EPC2: variants seen among roughly 807,000 people sequenced by gnomAD.
EPC2 encodes the protein enhancer of polycomb homolog 2.
A neutral mutation model predicts 92.1 loss-of-function variants in EPC2; 14 were observed. The observed-to-expected ratio is 0.15, with a 90% CI of 0.10 to 0.24. EPC2 has a LOEUF of 0.24. EPC2 is among the 10% of genes least tolerant of loss of function. The pLI is 1.00. For synonymous variants in EPC2, 340 were observed against 334.7 expected, an observed-to-expected ratio of 1.02 and a Z score of -0.17; for missense variants, 755 against 971.5, an observed-to-expected ratio of 0.78 and a Z score of 2.96.
intron 1 of EPC2, among the ~76,000 whole-genome samples, chr2:148,662,845 T>A (rs986672652): frequency 3.3e-5 from 5 of 152,022 alleles, no homozygotes; most frequent in Admixed American, 6.5e-5. Flanking sequence ...AAAAACTCTT[T>A]AGTTTTATTA....
Position 148,784,886 on chromosome 2 carries a change from A to G in EPC2, c.2236A>G (p.Ile746Val). ...VSVVSPVNVH[I>V]NTRTSAPSPT... ...TGTTGTTTCTCCAGTCAATGTGCAT[A>G]TCAATACACGGACTTCAGCACCATC... Residue 746 changes from isoleucine to valine, a missense_variant, in exon 13 of 14, where the codon ATC becomes GTC. Physicochemically the swap from Ile to Val is conservative, Grantham distance 29 (BLOSUM62 3). Transcript: ENST00000258484. The G allele has an allele frequency of 6.2e-7, 1 of 1,610,762 alleles. No individual in the cohort carries two copies.
At chr2:148,760,429 C>T (rs554893634) in intron 4 of EPC2, among the ~76,000 whole-genome samples, 3 of 152,176 alleles carry the variant, frequency 2.0e-5, no homozygotes, top group Non-Finnish European at 4.4e-5. Flanking sequence ...ATCTGCCTTA[C>T]AATTCTGTAT....
At chr2:148,747,141 G>A (rs550611016) in intron 3 of EPC2, among the ~76,000 whole-genome samples, 17 of 151,872 alleles carry the variant, frequency 1.1e-4, no homozygotes, top group Middle Eastern at 3.4e-3. Flanking sequence ...TTGAACACCC[G>A]ATTTTTAGTT....
At chr2:148,764,850 C>T in intron 6 of EPC2, 105 bp from the exon 7 acceptor site, 2 of 871,318 alleles carry the variant, frequency 2.3e-6, no homozygotes, top group South Asian at 5.2e-5. Flanking sequence ...ATAAAATCAC[C>T]TCCTGGGTAA....
chr2:148,644,827 GC>G lies in EPC2; in HGVS notation c.-189del, dbSNP rs1683758768. 1.4e-3 allele frequency among the ~76,000 whole-genome samples: 11 copies of G among 7,876 alleles called. No homozygotes were observed. The highest frequency in any genetic ancestry group is 3.1e-3 in the African/African-American group (6 of 1,920). 5.2% of individuals were successfully genotyped at this position (7,876 alleles called of 152,430 possible). ...GCGGCGGATCTAGTGTGTGGAGGCG[GC>G]CGCGGGCGCGGGGGGCTGTTTTCGG... On this transcript the variant is annotated 5_prime_UTR_variant, in exon 1 of 14. Coordinates refer to ENST00000258484, the MANE Select transcript of EPC2 (RefSeq NM_015630.4).
rs55731814 is a variant in EPC2 at position 148,647,619 on chromosome 2, CTTTTTTT to C, written c.153+2470_153+2476del. Among the ~76,000 whole-genome samples, 351 of 63,750 alleles carry C rather than the reference CTTTTTTT, an allele frequency of 5.5e-3. 1 individual carries two copies. The highest frequency in any genetic ancestry group is 0.021 in the African/African-American group (325 of 15,736). The allele number at this position is 63,750 out of a possible 152,430, so 41.8% of individuals were successfully genotyped here. Reference sequence around the variant, plus strand: ...ACTGCGCCTGGCCGCGCCTTGCAGACTTTTTTTTTTTTTTTTTTTTTTTTTTTAATTT... The same window carrying C: ...ACTGCGCCTGGCCGCGCCTTGCAGACTTTTTTTTTTTTTTTTTTTTAATTT... On this transcript the variant is annotated intron_variant, in intron 1 of 13. Coordinates refer to ENST00000258484, the MANE Select transcript of EPC2 (RefSeq NM_015630.4).
chr2:148,697,564 C>A, intron 2 of EPC2, among the ~76,000 whole-genome samples: 1 of 152,206 alleles, frequency 6.6e-6, no homozygotes, highest in Middle Eastern at 3.4e-3. Context: ...AGGAGCTCTA[C>A]TGAAAGGGAG....
chr2:148,768,566 TTCTC>T (rs1364428432), intron 7 of EPC2, among the ~76,000 whole-genome samples: 13 of 152,232 alleles, frequency 8.5e-5, no homozygotes, highest in African/African-American at 2.2e-4. Flanking sequence ...AGCAAGTCAT[TTCTC>T]TTCTTCTTTT....
chr2:148,782,318 C>G (rs1458554880), intron 11 of EPC2, among the ~76,000 whole-genome samples: 2 of 152,096 alleles, frequency 1.3e-5, no homozygotes, highest in African/African-American at 4.8e-5. Context: ...GGGCAGATCA[C>G]TTGGGGTCAG....
chr2:148,666,626 T>G (rs1180927313), intron 1 of EPC2, among the ~76,000 whole-genome samples: 1 of 152,248 alleles, frequency 6.6e-6, no homozygotes, highest in Non-Finnish European at 1.5e-5. Flanking sequence ...ACACTGAATT[T>G]TGTGCTTCTA....
chr2:148,716,006 G>A (rs946255016), intron 2 of EPC2, among the ~76,000 whole-genome samples: 4 of 151,996 alleles, frequency 2.6e-5, no homozygotes, highest in African/African-American at 4.8e-5. Flanking sequence ...GAGTTCATTC[G>A]TGATTTGGCT....
intron 3 of EPC2, among the ~76,000 whole-genome samples, chr2:148,746,362 C>T (rs985455006): frequency 2.6e-5 from 4 of 151,936 alleles, no homozygotes; most frequent in Admixed American, 6.6e-5. Flanking sequence ...TCTTGTAATC[C>T]TTATCTCTTC....
At chr2:148,671,803 C>T (rs1681160338) in intron 1 of EPC2, among the ~76,000 whole-genome samples, 1 of 151,896 alleles carries the variant, frequency 6.6e-6, no homozygotes, top group African/African-American at 2.4e-5. Context: ...CTATTTTTTC[C>T]TCTTCCTCCT....
intron 1 of EPC2, among the ~76,000 whole-genome samples, chr2:148,667,888 TTTGTTG>T (rs373872625): frequency 6.6e-5 from 10 of 152,050 alleles, no homozygotes; most frequent in Non-Finnish European, 1.0e-4. Flanking sequence ...TCATACAGTT[TTTGTTG>T]TTGTTGTTGT....
At position 148,770,895 on chromosome 2, in the gene EPC2, G is replaced by C; in HGVS notation, c.1334G>C (p.Arg445Thr). 6.2e-7 allele frequency: 1 copy of C among 1,613,236 alleles called. No individual in the cohort carries two copies. The highest frequency in any genetic ancestry group is 8.5e-7 in the Non-Finnish European group (1 of 1,179,746). ...HCLTTLTVPR[R>T]CIGFARRRIG... ...CTTACAACACTTACAGTCCCAAGAA[G>C]ATGTATAGGATTTGCAAGGAGGCGA... is the stretch of plus-strand genomic sequence containing the variant. The change falls in exon 9 of 14, where the codon AGA becomes ACA. Residue 445 changes from arginine to threonine, a missense_variant. Coordinates refer to ENST00000258484, the MANE Select transcript of EPC2 (RefSeq NM_015630.4).
intron 2 of EPC2, among the ~76,000 whole-genome samples, chr2:148,725,229 A>T (rs1253124005): frequency 6.6e-6 from 1 of 152,016 alleles, no homozygotes; most frequent in Non-Finnish European, 1.5e-5. Context: ...TAAATTTTAA[A>T]ATTTTGGCCT....
intron 1 of EPC2, among the ~76,000 whole-genome samples, chr2:148,678,748 C>G (rs1681330893): frequency 6.6e-6 from 1 of 152,258 alleles, no homozygotes; most frequent in South Asian, 2.1e-4. Context: ...GCATGCAGCC[C>G]TGGTGCCCAC....
chr2:148,773,702 A>G (rs190335113), intron 10 of EPC2, among the ~76,000 whole-genome samples: 2 of 152,222 alleles, frequency 1.3e-5, no homozygotes, highest in Admixed American at 1.3e-4. Context: ...TTTTAACAGC[A>G]TTTTTTAAAA....
chr2:148,672,617 C>A (rs992844106), intron 1 of EPC2, among the ~76,000 whole-genome samples: 1 of 152,078 alleles, frequency 6.6e-6, no homozygotes, highest in East Asian at 1.9e-4. Context: ...TGCTCACCAC[C>A]GCTTAATATT....
Sources: allele counts gnomAD v4.1 joint callset (sites outside exome capture counted in the v4.1 genomes callset), GRCh38; gene constraint gnomAD v4.1.1; transcripts MANE v1.5; gene names NCBI Gene and HGNC (gene_info 2026-07-23, HGNC 2026-07-21).